IMPDH1: variants seen among roughly 807,000 people sequenced by gnomAD.
IMPDH1 encodes the protein inosine-5'-monophosphate dehydrogenase 1.
In IMPDH1, 41 loss-of-function variants were observed where a neutral mutation model predicts 73.5. That is an observed-to-expected ratio of 0.56 (90% confidence interval 0.43 to 0.72). The LOEUF is 0.72. Among genes scored for constraint, IMPDH1 ranks in the 30% least tolerant of loss-of-function variants. The probability of loss-of-function intolerance (pLI) is 0.00; values close to 1 mark genes in which losing one functional copy is unlikely to be tolerated. For synonymous variants in IMPDH1, 318 were observed against 334.3 expected (o/e 0.95, Z 0.53); for missense variants, 645 against 824.8 (o/e 0.78, Z 2.67).
intron 3 of IMPDH1, among the ~76,000 whole-genome samples, chr7:128,407,907 C>G (rs1169953969): frequency 6.6e-6 from 1 of 152,152 alleles, no homozygotes; most frequent in African/African-American, 2.4e-5. Context: ...TGGCCCCACT[C>G]CCCTCTCCTG....
At position 128,405,747 on chromosome 7, in the gene IMPDH1, G is replaced by A; in HGVS notation, c.353+20C>T. ...GGCGCGTGGATGCGCGCACCTAGGGGTACGAGACCCGGCGCTTACTTGTAG... is the reference window on the plus strand; with the variant it reads ...GGCGCGTGGATGCGCGCACCTAGGGATACGAGACCCGGCGCTTACTTGTAG... On this transcript the variant is annotated intron_variant, in intron 4 of 16. Transcript: ENST00000338791. 1 of 1,531,974 alleles carries A rather than the reference G, an allele frequency of 6.5e-7. No individual in the cohort carries two copies. The highest frequency in any genetic ancestry group is 8.8e-7 in the Non-Finnish European group (1 of 1,140,234). 94.9% of individuals were successfully genotyped at this position (1,531,974 alleles called of 1,614,324 possible).
chr7:128,405,363 T>C (rs1429073773), intron 4 of IMPDH1, among the ~76,000 whole-genome samples: 1 of 152,200 alleles, frequency 6.6e-6, no homozygotes, highest in Non-Finnish European at 1.5e-5. Flanking sequence ...CCTGGGGCCA[T>C]GCGGAAGCGG....
rs1051064603 is a variant in IMPDH1 at position 128,405,687 on chromosome 7, G to T, written c.353+80C>A. The T allele has an allele frequency of 2.0e-5, 30 of 1,478,588 alleles. No homozygotes were observed. In the Admixed American group the frequency reaches 5.6e-4, roughly 28 times the overall value. 91.6% of individuals were successfully genotyped at this position (1,478,588 alleles called of 1,614,324 possible). ...TCGCACCGGGCAGGGAACGCCGGGGGAGCCGCGCACGTGCAGGGCCGGCCC... is the reference window on the plus strand; with the variant it reads ...TCGCACCGGGCAGGGAACGCCGGGGTAGCCGCGCACGTGCAGGGCCGGCCC... On this transcript the variant is annotated intron_variant, in intron 4 of 16. Transcript: ENST00000338791.
intron 7 of IMPDH1, 76 bp from the exon 8 acceptor site, chr7:128,400,615 G>A: frequency 7.0e-7 from 1 of 1,424,118 alleles, no homozygotes; most frequent in Non-Finnish European, 9.8e-7. Flanking sequence ...AGGGAACAGA[G>A]GATGCAGCTG....
At position 128,396,833 on chromosome 7, in the gene IMPDH1, G is replaced by A; in HGVS notation, c.1165+99C>T. ...GCCCATCATGCTCCCTGCCACCCAT[G>A]CCAGGAGCCATACCATCACCTAGGG... On this transcript the variant is annotated intron_variant, in intron 11 of 16. Transcript: ENST00000338791. The surrounding 1 kb of genome is among the most constrained non-coding windows in gnomAD (Gnocchi z 4.0). 4.3e-6 allele frequency: 5 copies of A among 1,159,832 alleles called. No individual in the cohort carries two copies. Among genetic ancestry groups the A allele is most frequent in the South Asian group, 1.3e-5 (1 of 78,756 alleles). The allele number at this position is 1,159,832 out of a possible 1,614,324, so 71.8% of individuals were successfully genotyped here. A position where few individuals can be genotyped will look rare whatever the true frequency, so the allele number is the denominator to read the frequency against.
chr7:128,395,289 G>T lies in IMPDH1; in HGVS notation c.1262-15C>A. 1 of 1,612,552 alleles carries T rather than the reference G, an allele frequency of 6.2e-7. No individual in the cohort carries two copies. Among genetic ancestry groups the T allele is most frequent in the Non-Finnish European group, 8.5e-7 (1 of 1,180,020 alleles). ...ACAGGCCATCACTGGGGGAGGGTGG[G>T]GTGCACAAGGCAGAGAAGAGTCAAC... On this transcript the variant is annotated splice_polypyrimidine_tract_variant and intron_variant, in intron 12 of 16. Coordinates refer to ENST00000338791, the MANE Select transcript of IMPDH1 (RefSeq NM_000883.4).
chr7:128,405,936 T>G, intron 3 of IMPDH1, 71 bp from the exon 4 acceptor site: 1 of 1,375,204 alleles, frequency 7.3e-7, no homozygotes. Context: ...CTGCTGCTGC[T>G]GCTACTGCTG....
intron 3 of IMPDH1, among the ~76,000 whole-genome samples, chr7:128,406,310 A>ACC (rs1445100287): frequency 5.7e-5 from 1 of 17,496 alleles, no homozygotes; most frequent in African/African-American, 2.4e-4. Context: ...CACACCCCCC[A>ACC]CCCCCCCCAC....
intron 16 of IMPDH1, among the ~76,000 whole-genome samples, chr7:128,393,253 T>TG: frequency 6.6e-6 from 1 of 152,330 alleles, no homozygotes; most frequent in East Asian, 1.9e-4. Context: ...GAGATGGCCA[T>TG]GCTCCTTTGG....
chr7:128,399,111 T>C (rs1350238596), intron 9 of IMPDH1, among the ~76,000 whole-genome samples: 1 of 152,170 alleles, frequency 6.6e-6, no homozygotes, highest in Non-Finnish European at 1.5e-5. Context: ...GGCTCACAGC[T>C]TCCTCACTTT....
At position 128,401,033 on chromosome 7, in the gene IMPDH1, G is replaced by A. The variant is rs1174850431; in HGVS notation, c.486C>T (p.Asp162=). 4.3e-6 allele frequency: 7 copies of A among 1,614,034 alleles called. No individual in the cohort carries two copies. In the South Asian group the frequency reaches 7.7e-5, roughly 18 times the overall value. ...AACTCACAGCCATGGCAATGGCCATGTCAGCCTCTGTCACAGTGTCCATGG... is the reference window on the plus strand; with the variant it reads ...AACTCACAGCCATGGCAATGGCCATATCAGCCTCTGTCACAGTGTCCATGG... ...SSPMDTVTEA[D]MAIAMALMGG... Residue 162 remains aspartate (D), a synonymous_variant, in exon 6 of 17, where the codon GAC becomes GAT. Transcript: ENST00000338791.
intron 3 of IMPDH1, among the ~76,000 whole-genome samples, chr7:128,406,389 T>C (rs1016830818): frequency 6.8e-6 from 1 of 146,150 alleles, no homozygotes; most frequent in African/African-American, 2.5e-5. Flanking sequence ...AACACGGTTC[T>C]GCCGTTCCCC....
chr7:128,407,353 CT>C (rs1367871533), intron 3 of IMPDH1, among the ~76,000 whole-genome samples: 2 of 152,198 alleles, frequency 1.3e-5, no homozygotes, highest in Admixed American at 6.5e-5. Flanking sequence ...AAAACACAGA[CT>C]GTTCCATCTG....
At chr7:128,393,134 G>T (rs1331257852) in intron 16 of IMPDH1, 106 bp from the exon 17 acceptor site, 3 of 1,232,084 alleles carry the variant, frequency 2.4e-6, no homozygotes, top group Admixed American at 3.5e-5. Flanking sequence ...ACAGAGAGCT[G>T]AGAAGCCCTG....
Position 128,409,457 on chromosome 7 carries a change from CG to C in IMPDH1, c.173del (p.Pro58ArgfsTer33). On this transcript the variant is annotated frameshift_variant, in exon 2 of 17. Transcript: ENST00000338791. LOFTEE classifies it high-confidence loss of function. ...ESPRLDLATH[P>X]TTPRSELSSV... ...TGGAGCCACCTGAACGGGGTGTCGT[CG>C]GGTGTGTAGCGAGGTCCAATCTAGG... The C allele has an allele frequency of 6.2e-7, 1 of 1,614,182 alleles. No individual in the cohort carries two copies. Among genetic ancestry groups the C allele is most frequent in the Non-Finnish European group, 8.5e-7 (1 of 1,180,020 alleles).
At position 128,405,627 on chromosome 7, in the gene IMPDH1, T is replaced by TC. The variant is rs567298132; in HGVS notation, c.353+139dup. On this transcript the variant is annotated intron_variant, in intron 4 of 16. Transcript: ENST00000338791. ...CTGCTCCGGCGCGGGCCTCCTTCCT[T>TC]CCCGTGCCCAGCCCCCAGCGCCCAC... 26 of 1,273,488 alleles carry TC rather than the reference T, an allele frequency of 2.0e-5. No individual in the cohort carries two copies. In the South Asian group the frequency reaches 3.9e-4, roughly 19 times the overall value. The allele number at this position is 1,273,488 out of a possible 1,614,324, so 78.9% of individuals were successfully genotyped here. A position where few individuals can be genotyped will look rare whatever the true frequency, so the allele number is the denominator to read the frequency against.
intron 12 of IMPDH1, among the ~76,000 whole-genome samples, 161 bp from the exon 13 acceptor site, chr7:128,395,435 C>T (rs1797850298): frequency 6.6e-6 from 1 of 152,160 alleles, no homozygotes; most frequent in African/African-American, 2.4e-5. Context: ...CTGGCAAATA[C>T]CACCAGGATG....
rs1201940996 is a variant in IMPDH1, at chr7:128,399,016, A to G, written c.875-403T>C. Among the ~76,000 whole-genome samples the G allele has an allele frequency of 2.0e-5, 3 of 152,160 alleles. No individual in the cohort carries two copies. The East Asian group carries it at 5.8e-4, about 29-fold the overall frequency. ...ACCCTCCAGTATGGACCAGGGAAGC[A>G]TTTCCCAGTATAGCCAACAGGGACC... is the stretch of plus-strand genomic sequence containing the variant. On this transcript the variant is annotated intron_variant, in intron 9 of 16. Transcript: ENST00000338791.
rs1403526775 is a variant in IMPDH1, at chr7:128,394,896, A to G, written c.1543T>C (p.Tyr515His). 2 of 1,611,940 alleles carry G rather than the reference A, an allele frequency of 1.2e-6. No homozygotes were observed. The highest frequency in any genetic ancestry group is 1.7e-5 in the Admixed American group (1 of 60,022). The change falls in exon 14 of 17, where the codon TAC (tyrosine) becomes CAC (histidine). Residue 515 changes from tyrosine (Y) to histidine (H), a missense_variant. Tyr to His is a moderately conservative substitution (Grantham distance 83, BLOSUM62 2). This residue lies in a region of IMPDH1 where 459 missense variants were observed against 638.2 expected (regional missense o/e 0.72). Transcript: ENST00000338791. This position sits in a 1 kb window ranked among gnomAD's most constrained non-coding sequence, Gnocchi z 5.5. ...GGCCCAGGGTCAGGGAACCTGAAGTATCGTTTCTGGCTGCTGCTGCTCTTC... is the reference window on the plus strand; with the variant it reads ...GGCCCAGGGTCAGGGAACCTGAAGTGTCGTTTCTGGCTGCTGCTGCTCTTC... ...MEKSSSSQKRYFSEGDKVKIA... is the reference protein window; with the variant it reads ...MEKSSSSQKRHFSEGDKVKIA...
Sources: gnomAD v4.1 joint callset for allele counts (sites outside exome capture counted in the v4.1 genomes callset) on GRCh38, gnomAD v4.1.1 for gene constraint, gnomAD v4.1.1 regional missense constraint, Gnocchi (gnomAD v3.1) non-coding constraint, MANE v1.5 for transcripts, NCBI Gene and HGNC (gene_info 2026-07-23, HGNC 2026-07-21) for gene names.